Variants in AUTS2 observed in about 807,000 individuals in gnomAD.
AUTS2 encodes the protein activator of transcription and developmental regulator AUTS2.
A neutral mutation model predicts 112.4 loss-of-function variants in AUTS2; 17 were observed. The observed-to-expected ratio is 0.15, with a 90% CI of 0.10 to 0.23. AUTS2 has a LOEUF of 0.23. Ranked by LOEUF, AUTS2 falls within the 10% of genes least tolerant of loss-of-function variation. The pLI, the probability that AUTS2 is intolerant of heterozygous loss-of-function variation, is 1.00. For synonymous variants in AUTS2, 751 were observed against 702.7 expected (o/e 1.07, Z -1.09); for missense variants, 1,510 against 1,701.6 (o/e 0.89, Z 1.98).
chr7:69,638,961 A>T (rs973775804), intron 1 of AUTS2, among the ~76,000 whole-genome samples: 1 of 152,254 alleles, frequency 6.6e-6, no homozygotes, highest in African/African-American at 2.4e-5. Flanking sequence ...TCAATTTGCT[A>T]GTGCTGAATA....
intron 1 of AUTS2, among the ~76,000 whole-genome samples, chr7:69,727,442 T>C (rs559665781): frequency 6.0e-4 from 91 of 151,812 alleles, no homozygotes; most frequent in African/African-American, 2.0e-3. Flanking sequence ...ATACAAAAAG[T>C]AGCCAGGTAT....
At chr7:69,843,153 AGGT>A (rs1792054105) in intron 1 of AUTS2, among the ~76,000 whole-genome samples, 2 of 152,126 alleles carry the variant, frequency 1.3e-5, no homozygotes, top group African/African-American at 4.8e-5. Flanking sequence ...CCTGAAAGAG[AGGT>A]ATTCAGAATA....
At chr7:70,349,453 T>C (rs1791651842) in intron 4 of AUTS2, among the ~76,000 whole-genome samples, 1 of 152,242 alleles carries the variant, frequency 6.6e-6, no homozygotes, top group Non-Finnish European at 1.5e-5. Context: ...ACAAAGAGAA[T>C]GATTATTTAC....
intron 2 of AUTS2, among the ~76,000 whole-genome samples, chr7:69,968,131 A>G (rs561014047): frequency 6.6e-6 from 1 of 152,314 alleles, no homozygotes; most frequent in Admixed American, 6.5e-5. Flanking sequence ...TCAAGGTATT[A>G]TTTGTTACAA....
At chr7:70,566,123 C>T (rs1801697149) in intron 5 of AUTS2, among the ~76,000 whole-genome samples, 1 of 152,164 alleles carries the variant, frequency 6.6e-6, no homozygotes, top group Non-Finnish European at 1.5e-5. Context: ...ATTCAGAAAC[C>T]AAGAAACCTC....
chr7:70,245,170 A>ATATATATATATATATATATATATATAT (rs57817453), intron 4 of AUTS2, among the ~76,000 whole-genome samples: 1 of 133,890 alleles, frequency 7.5e-6, no homozygotes, highest in African/African-American at 3.1e-5. Flanking sequence ...ATATATATAT[A>ATATATATATATATATATATATATATAT]AAAAATAAAA....
At chr7:70,012,453 G>T (rs762824945) in intron 2 of AUTS2, among the ~76,000 whole-genome samples, 9 of 152,182 alleles carry the variant, frequency 5.9e-5, no homozygotes, top group Non-Finnish European at 1.3e-4. Flanking sequence ...ATGGTGTTCA[G>T]TGTTCCAAAG....
chr7:70,767,892 G>T (rs1004014060), intron 9 of AUTS2, 132 bp from the exon 10 acceptor site: 2 of 814,068 alleles, frequency 2.5e-6, no homozygotes, highest in Non-Finnish European at 4.0e-6. Context: ...GCTCAGAATG[G>T]TTTCATATGT....
At chr7:70,483,630 C>G (rs1480077051) in intron 5 of AUTS2, among the ~76,000 whole-genome samples, 1 of 152,076 alleles carries the variant, frequency 6.6e-6, no homozygotes, top group Non-Finnish European at 1.5e-5. Flanking sequence ...AGATCTAAGG[C>G]TAGGTGATTT....
At chr7:69,882,970 A>G (rs1422406323) in intron 1 of AUTS2, among the ~76,000 whole-genome samples, 1 of 152,212 alleles carries the variant, frequency 6.6e-6, no homozygotes, top group Non-Finnish European at 1.5e-5. Flanking sequence ...TAATTTATTT[A>G]CTGCCTGTAC....
chr7:69,816,720 T>A (rs1406983702), intron 1 of AUTS2, among the ~76,000 whole-genome samples: 4 of 152,246 alleles, frequency 2.6e-5, no homozygotes, highest in Non-Finnish European at 1.5e-5. Context: ...ATCCACATTC[T>A]TTTTGTAGAT....
At chr7:69,960,433 A>G (rs2129546903) in intron 2 of AUTS2, among the ~76,000 whole-genome samples, 1 of 152,210 alleles carries the variant, frequency 6.6e-6, no homozygotes, top group Middle Eastern at 3.4e-3. Context: ...AAAGAACAAA[A>G]CCTCATTTTA....
intron 1 of AUTS2, among the ~76,000 whole-genome samples, chr7:69,764,252 G>C (rs1298621879): frequency 6.6e-6 from 1 of 152,210 alleles, no homozygotes; most frequent in Non-Finnish European, 1.5e-5. Flanking sequence ...GAAGTGCCAT[G>C]AAGTGGCAGG....
At chr7:70,225,023 T>C (rs1325713789) in intron 4 of AUTS2, among the ~76,000 whole-genome samples, 3 of 152,212 alleles carry the variant, frequency 2.0e-5, no homozygotes, top group African/African-American at 7.2e-5. Flanking sequence ...CATATTCCCA[T>C]CGTTAAGCAA....
chr7:70,317,843 G>A (rs1362019626), intron 4 of AUTS2, among the ~76,000 whole-genome samples: 2 of 152,314 alleles, frequency 1.3e-5, no homozygotes, highest in Non-Finnish European at 2.9e-5. Context: ...AGGCATGTAG[G>A]AGATGCTTAG....
In AUTS2 at chr7:69,625,066, C is replaced by T. The variant is rs546898869; in HGVS notation, c.309+25104C>T. On this transcript the variant is annotated intron_variant, in intron 1 of 18. Transcript: ENST00000342771. ...TGTCATGCTCTTTGGTGAGGCATGC[C>T]GTTGGGGCAGTGCCCAAGTGTATGG... 5.4e-4 allele frequency among the ~76,000 whole-genome samples: 82 copies of T among 152,092 alleles called. 1 individual carries two copies. The highest frequency in any genetic ancestry group is 1.7e-3 in the African/African-American group (72 of 41,520).
At chr7:69,753,087 G>T (rs533448758) in intron 1 of AUTS2, among the ~76,000 whole-genome samples, 1 of 152,118 alleles carries the variant, frequency 6.6e-6, no homozygotes, top group Non-Finnish European at 1.5e-5. Flanking sequence ...GAGCCTCTGT[G>T]CCCTCAGTTT....
At chr7:69,782,667 G>A (rs1789193119) in intron 1 of AUTS2, among the ~76,000 whole-genome samples, 1 of 151,836 alleles carries the variant, frequency 6.6e-6, no homozygotes, top group Non-Finnish European at 1.5e-5. Context: ...AATTAAGGAG[G>A]GAAATCTACC....
chr7:69,981,400 TTTTTA>T (rs1371580113), intron 2 of AUTS2, among the ~76,000 whole-genome samples: 12 of 152,356 alleles, frequency 7.9e-5, no homozygotes, highest in African/African-American at 1.4e-4. Context: ...ATGTATGTCA[TTTTTA>T]TTTTATAAGT....
Sources: allele counts gnomAD v4.1 joint callset (sites outside exome capture counted in the v4.1 genomes callset), GRCh38; gene constraint gnomAD v4.1.1; transcripts MANE v1.5; gene names NCBI Gene and HGNC (gene_info 2026-07-23, HGNC 2026-07-21).